The following TLL1 variants were observed in gnomAD, a reference collection of about 807,000 sequenced individuals.
TLL1 encodes tolloid like 1.
TLL1 carries 49 observed loss-of-function variants against 128.2 expected under a neutral mutation model. The ratio of observed to expected loss-of-function variants is 0.38; its 90% CI spans 0.30 to 0.48. The LOEUF is 0.48. Ranked by LOEUF, TLL1 falls within the 20% of genes least tolerant of loss-of-function variation. The probability of loss-of-function intolerance (pLI) is 0.96; values close to 1 mark genes in which losing one functional copy is unlikely to be tolerated. For missense variants in TLL1, 1,123 were observed against 1,242.0 expected (o/e 0.90, Z 1.44); for synonymous variants, 454 against 418.8 (o/e 1.08, Z -1.03).
In TLL1 at chr4:165,931,999, C is replaced by T. The variant is rs1733549684; in HGVS notation, c.170-57382C>T. Among the ~76,000 whole-genome samples the T allele has an allele frequency of 2.6e-5, 4 of 152,114 alleles. No homozygotes were observed. In the South Asian group the frequency reaches 8.3e-4, roughly 31 times the overall value. The stretch of plus-strand genomic sequence containing the variant: ...GTGGGGACTTTCCTTTGCTGGAAAG[C>T]CAGGTGATGGTTGGACAAGTAGGTG... On this transcript the variant is annotated intron_variant, in intron 1 of 20. Coordinates refer to ENST00000061240, the MANE Select transcript of TLL1 (RefSeq NM_012464.5).
chr4:165,936,188 C>T (rs1579509515), intron 1 of TLL1, among the ~76,000 whole-genome samples: 1 of 141,634 alleles, frequency 7.1e-6, no homozygotes, highest in Admixed American at 7.0e-5. Flanking sequence ...ATTCATTTTG[C>T]TTCATATATA....
At chr4:165,932,286 G>C (rs1370298217) in intron 1 of TLL1, among the ~76,000 whole-genome samples, 4 of 152,164 alleles carry the variant, frequency 2.6e-5, no homozygotes, top group Non-Finnish European at 5.9e-5. Context: ...AAAACGCTGT[G>C]TGACTTGTTC....
At chr4:165,977,412 T>A (rs1428672231) in intron 1 of TLL1, among the ~76,000 whole-genome samples, 1 of 152,182 alleles carries the variant, frequency 6.6e-6, no homozygotes, top group Non-Finnish European at 1.5e-5. Context: ...GATTGTAAGT[T>A]TCCTGAGGCC....
intron 7 of TLL1, among the ~76,000 whole-genome samples, chr4:166,008,819 A>G (rs1022393984): frequency 4.3e-4 from 64 of 148,424 alleles, no homozygotes; most frequent in African/African-American, 1.5e-3. Flanking sequence ...TTTTTTGCCC[A>G]CTTATGTCCA....
chr4:165,992,688 A>C, intron 2 of TLL1, 116 bp from the exon 3 acceptor site: 2 of 915,742 alleles, frequency 2.2e-6, no homozygotes, highest in South Asian at 2.9e-5. Flanking sequence ...TAATTTCAAC[A>C]CTTTAAGACC....
intron 9 of TLL1, chr4:166,030,481 T>C: frequency 1.6e-6 from 1 of 612,622 alleles, no homozygotes; most frequent in Non-Finnish European, 3.0e-6. Context: ...TGATTGTGTC[T>C]TCTGATGAAC....
chr4:166,088,056 G>A (rs1287979928), intron 18 of TLL1, among the ~76,000 whole-genome samples: 1 of 152,082 alleles, frequency 6.6e-6, no homozygotes, highest in Non-Finnish European at 1.5e-5. Flanking sequence ...TACTTATAAA[G>A]TCTTAAACAC....
At chr4:166,081,191 C>T (rs2111145313) in intron 18 of TLL1, among the ~76,000 whole-genome samples, 1 of 152,214 alleles carries the variant, frequency 6.6e-6, no homozygotes, top group Non-Finnish European at 1.5e-5. Context: ...CAGGACTTCC[C>T]CTAGGGGTAG....
At chr4:165,943,504 G>A (rs909837064) in intron 1 of TLL1, among the ~76,000 whole-genome samples, 12 of 151,718 alleles carry the variant, frequency 7.9e-5, no homozygotes, top group African/African-American at 2.4e-4. Context: ...TTAAATGCAC[G>A]TAAAAGAGAA....
At chr4:165,947,026 G>C (rs1404399522) in intron 1 of TLL1, among the ~76,000 whole-genome samples, 2 of 152,118 alleles carry the variant, frequency 1.3e-5, no homozygotes, top group Non-Finnish European at 2.9e-5. Flanking sequence ...GTATTACCTA[G>C]TGTATTTGTC....
chr4:166,103,532 A>C lies in TLL1; in HGVS notation c.*2656A>C, dbSNP rs1261910290. 1 of 151,866 alleles carries C rather than the reference A, an allele frequency of 6.6e-6. No homozygotes were observed. The highest frequency in any genetic ancestry group is 2.4e-5 in the African/African-American group (1 of 41,414). 9.4% of individuals were successfully genotyped at this position (151,866 alleles called of 1,614,324 possible). A position where few individuals can be genotyped will look rare whatever the true frequency, so the allele number is the denominator to read the frequency against. On this transcript the variant is annotated 3_prime_UTR_variant, in exon 21 of 21. Transcript: ENST00000061240. ...TAGGCCATAGTGAGCTATGCTCTGCACAACTGAGAAATTAGGTATTTAGAA... is the reference window on the plus strand; with the variant it reads ...TAGGCCATAGTGAGCTATGCTCTGCCCAACTGAGAAATTAGGTATTTAGAA...
intron 1 of TLL1, among the ~76,000 whole-genome samples, chr4:165,950,844 C>A (rs1734477561): frequency 6.6e-6 from 1 of 151,936 alleles, no homozygotes; most frequent in Non-Finnish European, 1.5e-5. Flanking sequence ...CTTCTACCTA[C>A]AGAATCTGGA....
chr4:165,927,248 T>G lies in TLL1; in HGVS notation c.169+53175T>G, dbSNP rs144432290. 5.7e-3 allele frequency among the ~76,000 whole-genome samples: 873 copies of G among 152,344 alleles called. 9 individuals carry two copies. The highest frequency in any genetic ancestry group is 0.024 in the Middle Eastern group (7 of 294). On this transcript the variant is annotated intron_variant, in intron 1 of 20. Coordinates refer to ENST00000061240, the MANE Select transcript of TLL1 (RefSeq NM_012464.5). ...CATTCAATCACTCTCTTAGTAATTT[T>G]ATTTCCGTAGGCGATGTTGTGTAGT...
At chr4:165,964,674 G>A (rs1217435165) in intron 1 of TLL1, among the ~76,000 whole-genome samples, 1 of 152,166 alleles carries the variant, frequency 6.6e-6, no homozygotes, top group East Asian at 1.9e-4. Flanking sequence ...TATAATCCCA[G>A]CATGTTTAGT....
intron 16 of TLL1, among the ~76,000 whole-genome samples, chr4:166,066,623 T>C (rs149610970): frequency 6.6e-6 from 1 of 151,930 alleles, no homozygotes; most frequent in East Asian, 1.9e-4. Flanking sequence ...ATTGAGTTAA[T>C]TCAAAGGCCG....
At chr4:165,995,375 T>G (rs185933073) in intron 5 of TLL1, among the ~76,000 whole-genome samples, 197 bp downstream of exon 5, 35 of 152,218 alleles carry the variant, frequency 2.3e-4, no homozygotes, top group African/African-American at 8.2e-4. Context: ...CTACTGCAAG[T>G]GTATTCTTTT....
intron 8 of TLL1, 116 bp downstream of exon 8, chr4:166,014,676 G>A (rs956737002): frequency 2.0e-6 from 3 of 1,489,286 alleles, no homozygotes; most frequent in African/African-American, 2.8e-5. Flanking sequence ...CAAGTGACGT[G>A]TACAGTTCAA....
intron 1 of TLL1, among the ~76,000 whole-genome samples, chr4:165,929,744 T>C (rs1347973935): frequency 6.6e-6 from 1 of 152,164 alleles, no homozygotes; most frequent in Non-Finnish European, 1.5e-5. Flanking sequence ...GCAGATAACT[T>C]TTTGTGACAC....
rs924540433 is a variant in TLL1 at position 165,951,806 on chromosome 4, C to T, written c.170-37575C>T. 5.9e-5 allele frequency among the ~76,000 whole-genome samples: 9 copies of T among 152,054 alleles called. No homozygotes were observed. The East Asian group carries it at 1.7e-3, about 29-fold the overall frequency. ...CCAGGCAATGAATATAAACATCTTG[C>T]TATATTCCAGAACTCTATTATAATA... On this transcript the variant is annotated intron_variant, in intron 1 of 20. Coordinates refer to ENST00000061240, the MANE Select transcript of TLL1 (RefSeq NM_012464.5).
Sources: gnomAD v4.1 joint callset for allele counts (sites outside exome capture counted in the v4.1 genomes callset) on GRCh38, gnomAD v4.1.1 for gene constraint, MANE v1.5 for transcripts, NCBI Gene and HGNC (gene_info 2026-07-23, HGNC 2026-07-21) for gene names.